The following GALNT13 variants were observed in gnomAD, a reference collection of about 807,000 sequenced individuals.
GALNT13 encodes the protein UDP-GalNAc:polypeptide N-acetylgalactosaminyltransferase 13.
Under a neutral mutation model 64.2 loss-of-function variants are expected in GALNT13, and 28 were observed. That is an observed-to-expected ratio of 0.44 (90% confidence interval 0.32 to 0.60). The LOEUF (loss-of-function observed/expected upper bound fraction) is 0.60. Among genes scored for constraint, GALNT13 ranks in the 20% least tolerant of loss-of-function variants. GALNT13 has a pLI of 0.05. For synonymous variants in GALNT13, 214 were observed against 224.6 expected (o/e 0.95, Z 0.42); for missense variants, 577 against 669.8 (o/e 0.86, Z 1.53).
chr2:153,789,353 G>A, the GALNT13 span, among the ~76,000 whole-genome samples: 20 of 151,848 alleles, frequency 1.3e-4, no homozygotes, highest in Non-Finnish European at 2.1e-4. Flanking sequence ...CTTTTTTTGG[G>A]TAAATAATTA....
chr2:153,571,515 T>C, the GALNT13 span, among the ~76,000 whole-genome samples: 66 of 152,214 alleles, frequency 4.3e-4, no homozygotes, highest in African/African-American at 1.5e-3. Flanking sequence ...TGAGCATCCT[T>C]GTCATGTTCC....
the GALNT13 span, among the ~76,000 whole-genome samples, chr2:153,858,569 C>A: frequency 6.6e-6 from 1 of 152,058 alleles, no homozygotes; most frequent in African/African-American, 2.4e-5. Flanking sequence ...AGAGAGAGAT[C>A]ATATTTATAT....
chr2:154,120,617 C>G (rs1399917695), intron 3 of GALNT13, among the ~76,000 whole-genome samples: 1 of 152,140 alleles, frequency 6.6e-6, no homozygotes, highest in East Asian at 1.9e-4. Context: ...CTGAGTGGAG[C>G]TACTGCATAA....
At chr2:154,077,933 T>C (rs1466375936) in intron 3 of GALNT13, among the ~76,000 whole-genome samples, 1 of 151,434 alleles carries the variant, frequency 6.6e-6, no homozygotes, top group East Asian at 1.9e-4. Context: ...TCTGCAAAAT[T>C]GTTAAACAGA....
the GALNT13 span, among the ~76,000 whole-genome samples, chr2:153,129,785 C>A: frequency 6.6e-6 from 1 of 151,702 alleles, no homozygotes; most frequent in African/African-American, 2.4e-5. Flanking sequence ...AAAAAGGAAC[C>A]AATTGGCAGT....
At chr2:154,014,444 C>T (rs1696857487) in intron 3 of GALNT13, among the ~76,000 whole-genome samples, 2 of 151,836 alleles carry the variant, frequency 1.3e-5, no homozygotes, top group Admixed American at 1.3e-4. Flanking sequence ...TTCCAGATTC[C>T]TCCCGCTTCA....
chr2:153,892,082 T>G (rs1687590394), intron 1 of GALNT13, among the ~76,000 whole-genome samples: 1 of 152,036 alleles, frequency 6.6e-6, no homozygotes, highest in Admixed American at 6.6e-5. Context: ...TAGAACCTTG[T>G]TCCTATTGCT....
intron 12 of GALNT13, among the ~76,000 whole-genome samples, chr2:154,442,463 G>C (rs1424877608): frequency 6.6e-6 from 1 of 151,996 alleles, no homozygotes; most frequent in Non-Finnish European, 1.5e-5. Context: ...TTGAATTGAG[G>C]GCATCCTGGG....
intron 2 of GALNT13, among the ~76,000 whole-genome samples, chr2:153,914,478 C>T (rs1367393077): frequency 6.1e-4 from 38 of 62,104 alleles, no homozygotes; most frequent in Middle Eastern, 8.6e-3. Context: ...TGCGAGTCTC[C>T]GTCTCAAAAA....
At position 154,353,837 on chromosome 2, in the gene GALNT13, A is replaced by G. The variant is rs532379443; in HGVS notation, c.1157-42154A>G. The stretch of plus-strand genomic sequence containing the variant: ...TCCAGTTGACTTTGGTCGTTTCCAT[A>G]TCTTGGCTATTGTGAACAATGCTGC... On this transcript the variant is annotated intron_variant, in intron 9 of 12. Coordinates refer to ENST00000392825, the MANE Select transcript of GALNT13 (RefSeq NM_052917.4). 1.5e-4 allele frequency among the ~76,000 whole-genome samples: 23 copies of G among 152,290 alleles called. No homozygotes were observed. The South Asian group carries it at 4.6e-3, about 30-fold the overall frequency.
chr2:154,327,965 C>T (rs1394358360), intron 9 of GALNT13, among the ~76,000 whole-genome samples: 4 of 151,710 alleles, frequency 2.6e-5, no homozygotes, highest in Non-Finnish European at 5.9e-5. Flanking sequence ...ATTTTGTTAA[C>T]CTCACTCTCC....
the GALNT13 span, among the ~76,000 whole-genome samples, chr2:153,808,290 C>T: frequency 3.9e-5 from 6 of 152,032 alleles, no homozygotes; most frequent in African/African-American, 7.2e-5. Context: ...TTTTTTCCCA[C>T]GACATTTTCA....
the GALNT13 span, among the ~76,000 whole-genome samples, chr2:153,860,961 A>C: frequency 2.0e-5 from 3 of 152,148 alleles, no homozygotes. Context: ...ATCATTACTG[A>C]GTTTAGGGAT....
chr2:153,555,365 T>C, the GALNT13 span, among the ~76,000 whole-genome samples: 1 of 137,306 alleles, frequency 7.3e-6, no homozygotes, highest in Non-Finnish European at 1.6e-5. Context: ...CGGCTAATTT[T>C]TTGTATTTTT....
the GALNT13 span, among the ~76,000 whole-genome samples, chr2:153,482,970 A>C: frequency 1.3e-5 from 2 of 152,214 alleles, no homozygotes; most frequent in Non-Finnish European, 2.9e-5. Context: ...TCATTAAATG[A>C]AAAAAGCCAT....
rs1349124907 is a variant in GALNT13 at position 154,237,456 on chromosome 2, G to A, written c.312-4574G>A. On this transcript the variant is annotated intron_variant, in intron 4 of 12. Coordinates refer to ENST00000392825, the MANE Select transcript of GALNT13 (RefSeq NM_052917.4). ...CCATCATTTGTTCCTTGTTCATGTT[G>A]TTGTTCTTGTTTGTTTTGAATTGTT... Among the ~76,000 whole-genome samples the A allele has an allele frequency of 7.4e-5, 11 of 149,054 alleles. No homozygotes were observed. In the East Asian group the frequency reaches 2.1e-3, roughly 29 times the overall value.
At chr2:153,316,955 A>T in the GALNT13 span, among the ~76,000 whole-genome samples, 1,311 of 152,258 alleles carry the variant, frequency 8.6e-3, 23 homozygotes, top group African/African-American at 0.03. Flanking sequence ...ATATAACTGC[A>T]CTCTGAAAAT....
At chr2:153,593,794 C>G in the GALNT13 span, among the ~76,000 whole-genome samples, 1 of 152,130 alleles carries the variant, frequency 6.6e-6, no homozygotes, top group Non-Finnish European at 1.5e-5. Context: ...CATAAAATAT[C>G]ACTGGACTTG....
At chr2:153,615,439 A>G in the GALNT13 span, among the ~76,000 whole-genome samples, 16 of 151,962 alleles carry the variant, frequency 1.1e-4, no homozygotes, top group Admixed American at 1.1e-3. Flanking sequence ...TAGTTTTTTG[A>G]GGAACCTTCA....
Sources: gnomAD v4.1 joint callset for allele counts (sites outside exome capture counted in the v4.1 genomes callset) on GRCh38, gnomAD v4.1.1 for gene constraint, MANE v1.5 for transcripts, NCBI Gene and HGNC (gene_info 2026-07-23, HGNC 2026-07-21) for gene names.